Variants in MGAM2 observed in about 807,000 individuals in gnomAD.
The protein encoded by MGAM2 is maltase-glucoamylase 2 (putative).
In MGAM2, 98 loss-of-function variants were observed where a neutral mutation model predicts 96.1. That is an observed-to-expected ratio of 1.02 (90% CI 0.87 to 1.21). MGAM2 has a LOEUF of 1.21. Among genes scored for constraint, MGAM2 ranks in the 50% most tolerant of loss-of-function variants. The probability of loss-of-function intolerance (pLI) is 0.00; values close to 1 mark genes in which losing one functional copy is unlikely to be tolerated. For synonymous variants in MGAM2, 749 were observed against 414.8 expected, an observed-to-expected ratio of 1.81 and a Z score of -9.79; for missense variants, 2,055 against 1,182.4, an observed-to-expected ratio of 1.74 and a Z score of -10.82.
intron 40 of MGAM2, among the ~76,000 whole-genome samples, chr7:142,197,160 A>G (rs1358807864): frequency 6.6e-6 from 1 of 152,204 alleles, no homozygotes; most frequent in South Asian, 2.1e-4. Flanking sequence ...CTCTCTCTGT[A>G]CACATGTAGA....
intron 3 of MGAM2, among the ~76,000 whole-genome samples, chr7:142,129,441 G>A (rs1049143116): frequency 6.6e-6 from 1 of 152,136 alleles, no homozygotes; most frequent in Non-Finnish European, 1.5e-5. Context: ...GGGGCCCGGT[G>A]CAGAATGACA....
intron 19 of MGAM2, 95 bp downstream of exon 19, chr7:142,158,427 T>C (rs1795798857): frequency 1.6e-6 from 1 of 629,278 alleles, no homozygotes; most frequent in Non-Finnish European, 2.9e-6. Flanking sequence ...ACTGCATTTA[T>C]ATCAAAATAT....
At chr7:142,174,715 C>CTCTTTTTTTTTTTTTTTTTTTTTT (rs1194981898) in intron 31 of MGAM2, among the ~76,000 whole-genome samples, 1 of 85,444 alleles carries the variant, frequency 1.2e-5, no homozygotes, top group Non-Finnish European at 2.1e-5. Context: ...CTCTCTCTCT[C>CTCTTTTTTTTTTTTTTTTTTTTTT]TTTTTTTTTT....
At position 142,113,350 on chromosome 7, in the gene MGAM2, A is replaced by G. The variant is rs375034895; in HGVS notation, c.-1+1543A>G. Among the ~76,000 whole-genome samples, 426 of 152,222 alleles carry G rather than the reference A, an allele frequency of 2.8e-3. 4 individuals carry two copies. Among genetic ancestry groups the G allele is most frequent in the South Asian group, 0.015 (73 of 4,830 alleles). On this transcript the variant is annotated intron_variant, in intron 1 of 47. Coordinates refer to ENST00000477922, the MANE Select transcript of MGAM2 (RefSeq NM_001293626.2). ...TGAAGACCTTTGATCACAAAGCTAA[A>G]GGGTTTTTGGTTTATTCAGAGATCC...
intron 34 of MGAM2, 82 bp from the exon 35 acceptor site, chr7:142,185,907 C>A: frequency 1.5e-6 from 1 of 652,078 alleles, no homozygotes. Flanking sequence ...TCTGGGCAGG[C>A]ACAAATTCCT....
chr7:142,202,350 A>C (rs1797264456), intron 45 of MGAM2, among the ~76,000 whole-genome samples: 1 of 152,196 alleles, frequency 6.6e-6, no homozygotes, highest in African/African-American at 2.4e-5. Flanking sequence ...TAGGGTGTAC[A>C]TGTGCAGGTT....
chr7:142,154,901 C>T (rs1431577251), intron 17 of MGAM2, 56 bp downstream of exon 17: 3 of 697,306 alleles, frequency 4.3e-6, no homozygotes, highest in Non-Finnish European at 7.9e-6. Context: ...TCTACTGGCT[C>T]TTAAAGGGGA....
intron 31 of MGAM2, among the ~76,000 whole-genome samples, chr7:142,175,417 A>T (rs368291150): frequency 6.7e-6 from 1 of 150,108 alleles, no homozygotes; most frequent in African/African-American, 2.5e-5. Context: ...TAGAGTTCCA[A>T]TTGGGGAAAC....
At chr7:142,171,679 G>A (rs12535172) in intron 28 of MGAM2, among the ~76,000 whole-genome samples, 35,052 of 111,906 alleles carry the variant, frequency 0.31, 5,526 homozygotes, top group East Asian at 0.59. Flanking sequence ...AGGGAAATAT[G>A]TATATATTTC....
At chr7:142,174,715 C>CTTTTTTTTTTTTTTCT (rs1796311542) in intron 31 of MGAM2, among the ~76,000 whole-genome samples, 1 of 85,460 alleles carries the variant, frequency 1.2e-5, no homozygotes, top group Non-Finnish European at 2.1e-5. Context: ...CTCTCTCTCT[C>CTTTTTTTTTTTTTTCT]TTTTTTTTTT....
intron 32 of MGAM2, among the ~76,000 whole-genome samples, chr7:142,178,238 C>T (rs1445362922): frequency 6.6e-6 from 1 of 152,004 alleles, no homozygotes; most frequent in Admixed American, 6.6e-5. Flanking sequence ...ATTTAAGTTC[C>T]TTATATATTC....
intron 24 of MGAM2, among the ~76,000 whole-genome samples, chr7:142,165,630 G>C (rs900504407): frequency 2.0e-5 from 3 of 152,108 alleles, no homozygotes; most frequent in Admixed American, 1.3e-4. Flanking sequence ...CAGCTCTTAG[G>C]GTATTAGGTG....
intron 1 of MGAM2, among the ~76,000 whole-genome samples, chr7:142,115,135 T>C (rs954094959): frequency 2.0e-5 from 3 of 152,176 alleles, no homozygotes; most frequent in Admixed American, 2.0e-4. Flanking sequence ...GATAATCCCT[T>C]GAACCTGGGA....
At chr7:142,162,185 A>G (rs746666034) in intron 23 of MGAM2, among the ~76,000 whole-genome samples, 181 bp downstream of exon 23, 5 of 152,256 alleles carry the variant, frequency 3.3e-5, no homozygotes, top group Middle Eastern at 3.4e-3. Flanking sequence ...ATAAGCTGCT[A>G]CAAAACCAAT....
intron 19 of MGAM2, 67 bp downstream of exon 19, chr7:142,158,399 A>T (rs547732224): frequency 1.4e-6 from 1 of 691,980 alleles, no homozygotes; most frequent in African/African-American, 1.8e-5. Flanking sequence ...TAGCTGGATA[A>T]GTTGGTTCCT....
At chr7:142,187,167 A>G (rs1318418547) in intron 35 of MGAM2, among the ~76,000 whole-genome samples, 1 of 152,230 alleles carries the variant, frequency 6.6e-6, no homozygotes, top group African/African-American at 2.4e-5. Context: ...TCCCCAAAGT[A>G]TGTTTTTATT....
chr7:142,195,615 C>A (rs1797009650), intron 37 of MGAM2, among the ~76,000 whole-genome samples: 1 of 151,820 alleles, frequency 6.6e-6, no homozygotes, highest in Non-Finnish European at 1.5e-5. Flanking sequence ...CCTTGACCTC[C>A]CAAAATGCTG....
intron 35 of MGAM2, 146 bp from the exon 36 acceptor site, chr7:142,187,604 G>A (rs1796737821): frequency 3.7e-6 from 2 of 546,926 alleles, no homozygotes; most frequent in African/African-American, 1.9e-5. Context: ...AGTCCATTTG[G>A]GTCAGTGCCA....
At position 142,140,898 on chromosome 7, in the gene MGAM2, T is replaced by G. The variant is rs200258349; in HGVS notation, c.1183T>G (p.Leu395Val). Residue 395 changes from leucine (L) to valine (V), a missense_variant, in exon 11 of 48, where the codon TTA (leucine) becomes GTA (valine). Physicochemically the swap from Leu to Val is conservative, Grantham distance 32. Coordinates refer to ENST00000477922, the MANE Select transcript of MGAM2 (RefSeq NM_001293626.2). ...YSGLPDFVKE[L>V]HDNGQKYLII... ...TGGTCTCCCAGATTTTGTCAAGGAG[T>G]TACATGACAATGGACAGAAATATCT... 47 of 702,770 alleles carry G rather than the reference T, an allele frequency of 6.7e-5. No individual in the cohort carries two copies. Among genetic ancestry groups the G allele is most frequent in the Non-Finnish European group, 1.1e-4 (44 of 384,954 alleles). 43.5% of individuals were successfully genotyped at this position (702,770 alleles called of 1,614,324 possible). A position where few individuals can be genotyped will look rare whatever the true frequency, so the allele number is the denominator to read the frequency against.
Sources: allele counts gnomAD v4.1 joint callset (sites outside exome capture counted in the v4.1 genomes callset), GRCh38; gene constraint gnomAD v4.1.1; transcripts MANE v1.5; gene names NCBI Gene and HGNC (gene_info 2026-07-23, HGNC 2026-07-21).